The following DGKI variants were observed in gnomAD, a reference collection of about 807,000 sequenced individuals.
DGKI encodes DAG kinase iota.
In DGKI, 55 loss-of-function variants were observed where a neutral mutation model predicts 147.5. That is an observed-to-expected ratio of 0.37 (90% CI 0.30 to 0.47). The LOEUF is 0.47. Among genes scored for constraint, DGKI ranks in the 20% least tolerant of loss-of-function variants. The probability of loss-of-function intolerance (pLI) is 1.00; values close to 1 mark genes in which losing one functional copy is unlikely to be tolerated. For synonymous variants in DGKI, 469 were observed against 477.1 expected (o/e 0.98, Z 0.22); for missense variants, 1,007 against 1,323.8 (o/e 0.76, Z 3.71).
At chr7:137,621,303 T>C (rs1820738750) in intron 7 of DGKI, among the ~76,000 whole-genome samples, 1 of 152,222 alleles carries the variant, frequency 6.6e-6, no homozygotes, top group Non-Finnish European at 1.5e-5. Flanking sequence ...CCCTCAAATG[T>C]ATGACCACTG....
At chr7:137,650,654 T>G (rs1821993421) in intron 5 of DGKI, among the ~76,000 whole-genome samples, 1 of 152,134 alleles carries the variant, frequency 6.6e-6, no homozygotes, top group Non-Finnish European at 1.5e-5. Context: ...GAGAATACAA[T>G]GAGAAGGTGG....
intron 6 of DGKI, among the ~76,000 whole-genome samples, chr7:137,631,291 C>A (rs186756648): frequency 9.2e-5 from 14 of 152,254 alleles, no homozygotes; most frequent in Non-Finnish European, 1.9e-4. Flanking sequence ...CAGATTGTGC[C>A]CCTCCTTGCT....
At chr7:137,840,513 G>A (rs568112814) in intron 1 of DGKI, among the ~76,000 whole-genome samples, 4 of 152,296 alleles carry the variant, frequency 2.6e-5, no homozygotes, top group African/African-American at 7.2e-5. Context: ...AAAGAGAACC[G>A]GAGAGCTAAT....
intron 1 of DGKI, chr7:137,771,570 G>A (rs1479745269): frequency 6.6e-6 from 1 of 152,068 alleles, no homozygotes; most frequent in Non-Finnish European, 1.5e-5. Context: ...CAAGAGAAAG[G>A]AATAAATAGA....
rs145697650 is a variant in DGKI, at chr7:137,541,963, G to T, written c.2147+10406C>A. On this transcript the variant is annotated intron_variant, in intron 20 of 32. Coordinates refer to ENST00000614521, the MANE Select transcript of DGKI (RefSeq NM_001321708.2). ...TATCACCAAGAGAATGAAAAGACAG[G>T]ATATATACTGGGAGAGAATGTCTGC... Among the ~76,000 whole-genome samples the T allele has an allele frequency of 8.5e-5, 13 of 152,204 alleles. No homozygotes were observed. In the East Asian group the frequency reaches 2.3e-3, roughly 27 times the overall value.
chr7:137,737,873 C>T (rs1215303178), intron 1 of DGKI, among the ~76,000 whole-genome samples: 1 of 152,112 alleles, frequency 6.6e-6, no homozygotes, highest in Admixed American at 6.6e-5. Flanking sequence ...GACTTCACCA[C>T]AGTGGAGCTA....
chr7:137,769,401 C>T (rs1196340200), intron 1 of DGKI, among the ~76,000 whole-genome samples: 1 of 152,144 alleles, frequency 6.6e-6, no homozygotes, highest in Non-Finnish European at 1.5e-5. Flanking sequence ...AAACTAGTAC[C>T]ATTCACTGAG....
intron 8 of DGKI, among the ~76,000 whole-genome samples, chr7:137,611,085 G>A (rs1378794652): frequency 6.6e-6 from 1 of 152,070 alleles, no homozygotes; most frequent in African/African-American, 2.4e-5. Context: ...AGTTAAATGG[G>A]TCTTTTATCA....
intron 21 of DGKI, among the ~76,000 whole-genome samples, chr7:137,504,579 T>C (rs943244738): frequency 6.6e-6 from 1 of 152,164 alleles, no homozygotes; most frequent in Non-Finnish European, 1.5e-5. Flanking sequence ...CATCAAAATA[T>C]AGTCATCTTA....
At chr7:137,642,098 C>G (rs1794036182) in intron 6 of DGKI, among the ~76,000 whole-genome samples, 1 of 152,126 alleles carries the variant, frequency 6.6e-6, no homozygotes, top group East Asian at 1.9e-4. Context: ...TACAGGTTTG[C>G]ATTAAACAAT....
intron 21 of DGKI, among the ~76,000 whole-genome samples, chr7:137,517,725 T>C (rs1368503827): frequency 2.6e-5 from 4 of 152,120 alleles, no homozygotes; most frequent in Non-Finnish European, 4.4e-5. Context: ...AATTCAGTGG[T>C]GGATAACAGA....
chr7:137,574,668 T>C (rs1818910075), intron 17 of DGKI, among the ~76,000 whole-genome samples: 1 of 152,176 alleles, frequency 6.6e-6, no homozygotes, highest in Non-Finnish European at 1.5e-5. Flanking sequence ...TGCAATTCCT[T>C]TAGAATAGCA....
intron 28 of DGKI, among the ~76,000 whole-genome samples, chr7:137,443,565 C>G (rs779087669): frequency 7.9e-5 from 12 of 152,184 alleles, no homozygotes; most frequent in Non-Finnish European, 1.6e-4. Context: ...TTAGCTGTCT[C>G]TTAAAATGCA....
intron 22 of DGKI, among the ~76,000 whole-genome samples, chr7:137,487,290 T>G (rs1291365205): frequency 6.6e-6 from 1 of 152,158 alleles, no homozygotes; most frequent in Non-Finnish European, 1.5e-5. Context: ...TCTTTCATTA[T>G]TTATCAGTCC....
At chr7:137,440,853 T>C (rs1419458477) in intron 28 of DGKI, among the ~76,000 whole-genome samples, 2 of 152,218 alleles carry the variant, frequency 1.3e-5, no homozygotes, top group Non-Finnish European at 2.9e-5. Context: ...TTGCCAATTC[T>C]ATATGACCAC....
rs751300529 is a variant in DGKI, at chr7:137,457,829, T to A, written c.2735+5660A>T. On this transcript the variant is annotated intron_variant, in intron 27 of 32. Coordinates refer to ENST00000614521, the MANE Select transcript of DGKI (RefSeq NM_001321708.2). ...ATGTAAAAAATGAAGAAAATACACA[T>A]AGAACACTTAATAAGCCTATTTTTT... 2.6e-5 allele frequency among the ~76,000 whole-genome samples: 4 copies of A among 152,200 alleles called. No homozygotes were observed. The East Asian group carries it at 5.8e-4, about 22-fold the overall frequency.
At chr7:137,485,926 C>A (rs930580583) in intron 22 of DGKI, among the ~76,000 whole-genome samples, 3 of 152,094 alleles carry the variant, frequency 2.0e-5, no homozygotes, top group Non-Finnish European at 2.9e-5. Flanking sequence ...TCACCAACCA[C>A]CTCCACATTA....
intron 27 of DGKI, among the ~76,000 whole-genome samples, chr7:137,449,682 C>G (rs756142402): frequency 6.6e-6 from 1 of 152,092 alleles, no homozygotes; most frequent in Non-Finnish European, 1.5e-5. Context: ...AAACAATCAC[C>G]AGAGCAAAGA....
chr7:137,479,878 T>A (rs1339273418), intron 23 of DGKI, among the ~76,000 whole-genome samples: 1 of 152,110 alleles, frequency 6.6e-6, no homozygotes, highest in Non-Finnish European at 1.5e-5. Context: ...TACAAATAGG[T>A]ATGTATGTGT....
Sources: allele counts gnomAD v4.1 joint callset (sites outside exome capture counted in the v4.1 genomes callset), GRCh38; gene constraint gnomAD v4.1.1; transcripts MANE v1.5; gene names NCBI Gene and HGNC (gene_info 2026-07-23, HGNC 2026-07-21).